The following COMMD1 variants were observed in gnomAD, a reference collection of about 807,000 sequenced individuals.
The protein encoded by COMMD1 is copper metabolism domain containing 1, also known as COMM domain-containing protein 1.
A neutral mutation model predicts 17.2 loss-of-function variants in COMMD1; 10 were observed. The ratio of observed to expected loss-of-function variants is 0.58; its 90% CI spans 0.36 to 0.99. COMMD1 has a LOEUF of 0.99. Among genes scored for constraint, COMMD1 ranks in the 50% least tolerant of loss-of-function variants. The probability of loss-of-function intolerance (pLI) is 0.01; values close to 1 mark genes in which losing one functional copy is unlikely to be tolerated. For synonymous variants in COMMD1, 97 were observed against 91.6 expected, an observed-to-expected ratio of 1.06 and a Z score of -0.34; for missense variants, 270 against 231.8, an observed-to-expected ratio of 1.17 and a Z score of -1.07.
At chr2:61,955,548 C>T (rs995026884) in intron 1 of COMMD1, among the ~76,000 whole-genome samples, 24 of 152,090 alleles carry the variant, frequency 1.6e-4, no homozygotes, top group African/African-American at 5.8e-4. Context: ...TCTTTGCTAA[C>T]CAAAGCTTTC....
chr2:61,911,358 C>G (rs1343816795), intron 1 of COMMD1, among the ~76,000 whole-genome samples: 1 of 152,034 alleles, frequency 6.6e-6, no homozygotes, highest in Non-Finnish European at 1.5e-5. Context: ...TGCTTATAAT[C>G]CCAGCTACTT....
At chr2:61,902,784 G>T (rs1175542414), upstream of COMMD1, among the ~76,000 whole-genome samples, 2 of 152,070 alleles carry the variant, frequency 1.3e-5, no homozygotes, top group East Asian at 3.9e-4. Context: ...GGTCGAGACT[G>T]CAGTGAGCCA....
intron 2 of COMMD1, among the ~76,000 whole-genome samples, chr2:62,056,276 A>C (rs547905003): frequency 3.9e-5 from 6 of 152,220 alleles, no homozygotes; most frequent in Non-Finnish European, 8.8e-5. Flanking sequence ...ATGCTTTTAC[A>C]TGTTCACACA....
At chr2:61,930,620 TG>T (rs1670440370) in intron 1 of COMMD1, among the ~76,000 whole-genome samples, 2 of 56,866 alleles carry the variant, frequency 3.5e-5, no homozygotes, top group Non-Finnish European at 6.6e-5. Context: ...CAGGGTTTTG[TG>T]TGTGTGTGTG....
chr2:62,076,318 G>A (rs184835826), intron 2 of COMMD1, among the ~76,000 whole-genome samples: 5 of 152,346 alleles, frequency 3.3e-5, no homozygotes, highest in East Asian at 3.8e-4. Context: ...GTGCTGAGAG[G>A]GACCAAGATG....
chr2:62,002,687 C>T (rs1206434073), intron 2 of COMMD1, among the ~76,000 whole-genome samples: 1 of 150,340 alleles, frequency 6.7e-6, no homozygotes, highest in African/African-American at 2.4e-5. Flanking sequence ...AAAAACAAAA[C>T]AAAACAACAA....
intron 2 of COMMD1, among the ~76,000 whole-genome samples, chr2:62,082,158 A>G (rs147359609): frequency 6.6e-6 from 1 of 152,326 alleles, no homozygotes; most frequent in East Asian, 1.9e-4. Context: ...TGACCAAATT[A>G]CAAAAGCTTG....
chr2:62,068,615 A>G (rs999763589), intron 2 of COMMD1, among the ~76,000 whole-genome samples: 20 of 143,670 alleles, frequency 1.4e-4, no homozygotes, highest in Non-Finnish European at 3.0e-4. Flanking sequence ...TAGTAGTAGT[A>G]TAATCTTTTT....
chr2:62,120,305 GTTT>G (rs374491424), intron 2 of COMMD1, among the ~76,000 whole-genome samples: 1 of 143,658 alleles, frequency 7.0e-6, no homozygotes. Flanking sequence ...CCAGCTGTGG[GTTT>G]TTTTTTTTTT....
rs375858482 is a variant in COMMD1, at chr2:61,936,063, C to T, written c.180+30205C>T. Among the ~76,000 whole-genome samples, 29 of 152,260 alleles carry T rather than the reference C, an allele frequency of 1.9e-4. No homozygotes were observed. In the East Asian group the frequency reaches 3.9e-3, roughly 20 times the overall value. On this transcript the variant is annotated intron_variant, in intron 1 of 2. Transcript: ENST00000311832. Reference sequence around the variant, plus strand: ...AACTCCTGAGCTTAGGGGGATTCGCCGGCCTTGGCCTCCCAAAGTGCTGAG... The same window carrying T: ...AACTCCTGAGCTTAGGGGGATTCGCTGGCCTTGGCCTCCCAAAGTGCTGAG...
intron 2 of COMMD1, among the ~76,000 whole-genome samples, chr2:62,123,512 TA>T (rs889855618): frequency 2.7e-5 from 2 of 74,608 alleles, no homozygotes; most frequent in South Asian, 7.5e-4. Context: ...AAAAAAAAAT[TA>T]AAAAAAAAGA....
intron 2 of COMMD1, among the ~76,000 whole-genome samples, chr2:62,035,700 A>G (rs540882995): frequency 4.0e-5 from 6 of 149,856 alleles, no homozygotes; most frequent in African/African-American, 1.2e-4. Flanking sequence ...GATCATGCCA[A>G]CTGCACTCCA....
At chr2:61,888,592 C>T, upstream of COMMD1, 16 of 1,473,730 alleles carry the variant, frequency 1.1e-5, no homozygotes, top group Non-Finnish European at 1.5e-5. Context: ...ACGGTAAGCC[C>T]TCACTGCCTT....
intron 2 of COMMD1, among the ~76,000 whole-genome samples, chr2:62,051,549 T>G (rs1670535778): frequency 6.6e-6 from 1 of 152,248 alleles, no homozygotes; most frequent in African/African-American, 2.4e-5. Flanking sequence ...CTTTCAAGCC[T>G]CTTGATAGTT....
chr2:61,908,833 C>G (rs942191510), intron 1 of COMMD1, among the ~76,000 whole-genome samples: 9 of 152,162 alleles, frequency 5.9e-5, no homozygotes, highest in Non-Finnish European at 1.3e-4. Flanking sequence ...TCCCAAAGTG[C>G]TGGGATTACA....
At chr2:62,045,552 C>T (rs1008287294) in intron 2 of COMMD1, among the ~76,000 whole-genome samples, 3 of 150,850 alleles carry the variant, frequency 2.0e-5, no homozygotes, top group East Asian at 2.0e-4. Flanking sequence ...TGCTTACTTT[C>T]CTTCTTCTTT....
intron 1 of COMMD1, among the ~76,000 whole-genome samples, chr2:61,913,366 C>CAAAAAA (rs767142777): frequency 2.4e-5 from 1 of 41,994 alleles, no homozygotes; most frequent in Non-Finnish European, 5.1e-5. Flanking sequence ...GACTCCATCT[C>CAAAAAA]AAAAAAAAAA....
intron 2 of COMMD1, among the ~76,000 whole-genome samples, chr2:62,114,810 C>T (rs1284789198): frequency 6.6e-6 from 1 of 152,160 alleles, no homozygotes; most frequent in Non-Finnish European, 1.5e-5. Context: ...TGCATGTGTA[C>T]AAGGCAGCAG....
chr2:61,888,908 T>C lies in COMMD1; in HGVS notation n.119+66T>C, dbSNP rs556522109. ...ATGAGGTCCCCTCCTTTTTTTTTTT[T>C]TTTTTTTCTTTTTTTGGATACAGTC... On this transcript the variant is annotated intron_variant and non_coding_transcript_variant, in intron 1 of 2. Transcript: ENST00000472729. 186 of 165,934 alleles carry C rather than the reference T, an allele frequency of 1.1e-3. 1 individual carries two copies. The highest frequency in any genetic ancestry group is 3.7e-3 in the African/African-American group (154 of 41,310). The allele number at this position is 165,934 out of a possible 1,614,324, so 10.3% of individuals were successfully genotyped here. A position where few individuals can be genotyped will look rare whatever the true frequency, so the allele number is the denominator to read the frequency against.
Sources: allele counts gnomAD v4.1 joint callset (sites outside exome capture counted in the v4.1 genomes callset), GRCh38; gene constraint gnomAD v4.1.1; transcripts MANE v1.5; gene names NCBI Gene and HGNC (gene_info 2026-07-23, HGNC 2026-07-21).